The following COG4 variants were observed in gnomAD, a reference collection of about 807,000 sequenced individuals.
The protein encoded by COG4 is component of oligomeric golgi complex 4, also known as conserved oligomeric Golgi complex subunit 4.
Under a neutral mutation model 95.1 loss-of-function variants are expected in COG4, and 65 were observed. The observed-to-expected ratio is 0.68, with a 90% CI of 0.56 to 0.84. COG4 has a LOEUF of 0.84. COG4 is among the 40% of genes least tolerant of loss of function. The pLI is 0.00. For missense variants in COG4, 1,045 were observed against 989.1 expected (o/e 1.06, Z -0.76); for synonymous variants, 421 against 374.8 (o/e 1.12, Z -1.42).
At chr16:70,514,615 A>G in intron 3 of COG4, 106 bp from the exon 4 acceptor site, 2 of 909,242 alleles carry the variant, frequency 2.2e-6, no homozygotes, top group Admixed American at 1.9e-5. Flanking sequence ...ATATGTCAAT[A>G]GCAATCTCAC....
chr16:70,506,795 T>A (rs1030777861), intron 8 of COG4, among the ~76,000 whole-genome samples: 14 of 145,326 alleles, frequency 9.6e-5, no homozygotes, highest in South Asian at 4.4e-4. Context: ...GTTTCTAATT[T>A]AAAAAAAAAA....
intron 13 of COG4, among the ~76,000 whole-genome samples, chr16:70,489,237 G>A (rs1443536639): frequency 1.1e-5 from 1 of 92,214 alleles, no homozygotes; most frequent in Non-Finnish European, 2.2e-5. Flanking sequence ...TTTTTTTTTT[G>A]AGACAGAATC....
At chr16:70,506,680 G>A (rs543460484) in intron 8 of COG4, among the ~76,000 whole-genome samples, 70 of 149,130 alleles carry the variant, frequency 4.7e-4, no homozygotes, top group African/African-American at 1.6e-3. Flanking sequence ...GAGCTACTCG[G>A]GAGGCTGAGG....
intron 12 of COG4, among the ~76,000 whole-genome samples, chr16:70,490,849 C>T (rs189282354): frequency 6.4e-4 from 98 of 152,068 alleles, no homozygotes; most frequent in African/African-American, 2.2e-3. Context: ...TTAGTAGAGA[C>T]GGGGTTTCAC....
Position 70,483,349 on chromosome 16 carries a change from G to A in COG4, c.1827+504C>T, listed in dbSNP as rs137898748. 7.6e-5 allele frequency among the ~76,000 whole-genome samples: 11 copies of A among 144,064 alleles called. No individual in the cohort carries two copies. The East Asian group carries it at 2.0e-3, about 27-fold the overall frequency. 94.5% of individuals were successfully genotyped at this position (144,064 alleles called of 152,430 possible). ...TCCTCTCCCCATCCCTTGACTGCAG[G>A]GCGTTCTTCCAGCCCTGAGGCTTTC... On this transcript the variant is annotated intron_variant, in intron 14 of 18. Coordinates refer to ENST00000323786, the MANE Select transcript of COG4 (RefSeq NM_015386.3).
intron 1 of COG4, among the ~76,000 whole-genome samples, chr16:70,520,391 G>A (rs1242097074): frequency 1.4e-5 from 1 of 69,508 alleles, no homozygotes; most frequent in Non-Finnish European, 2.9e-5. Context: ...GGGGGGGGGC[G>A]GAGCTTGCAG....
Position 70,523,478 on chromosome 16 carries a change from C to T in COG4, c.66G>A (p.Glu22=), listed in dbSNP as rs1389713039. ...CGGAGCAGCGGCCACCTCCCACCCC[C>T]TCAGACGGCTGCTGCACCCCTGACA... The part of the protein sequence containing the change: ...PKLSGVQQPS[E]GVGGGRCSEI... Residue 22 remains glutamate (E), a synonymous_variant, in exon 1 of 19, where the codon GAG becomes GAA. Coordinates refer to ENST00000323786, the MANE Select transcript of COG4 (RefSeq NM_015386.3). 14 of 1,614,134 alleles carry T rather than the reference C, an allele frequency of 8.7e-6. No homozygotes were observed. Among genetic ancestry groups the T allele is most frequent in the South Asian group, 1.1e-5 (1 of 91,088 alleles).
chr16:70,521,907 T>G (rs1318872076), intron 1 of COG4, among the ~76,000 whole-genome samples: 1 of 150,562 alleles, frequency 6.6e-6, no homozygotes, highest in Non-Finnish European at 1.5e-5. Flanking sequence ...TTCACTGTGT[T>G]AGCCAGGATG....
intron 5 of COG4, among the ~76,000 whole-genome samples, chr16:70,510,665 G>A (rs1452368671): frequency 6.6e-6 from 1 of 152,004 alleles, no homozygotes; most frequent in African/African-American, 2.4e-5. Context: ...GACAAAACCT[G>A]GGTACTGCAG....
Position 70,498,003 on chromosome 16 carries a change from G to A in COG4, c.1248C>T (p.Thr416=). Residue 416 remains threonine (T), a synonymous_variant, in exon 10 of 19, where the codon ACC becomes ACT. Coordinates refer to ENST00000323786, the MANE Select transcript of COG4 (RefSeq NM_015386.3). The part of the protein sequence containing the change: ...KLLNNCLLSC[T]MQELIGLYVT... The stretch of plus-strand genomic sequence containing the variant: ...CATATAAGCCAATTAGCTCCTGCAT[G>A]GTACAGCTCAAAAGGCAGTTATTGA... 2 of 1,613,824 alleles carry A rather than the reference G, an allele frequency of 1.2e-6. No homozygotes were observed. The highest frequency in any genetic ancestry group is 1.1e-5 in the South Asian group (1 of 91,074).
chr16:70,514,370 T>C lies in COG4; in HGVS notation c.509A>G (p.Lys170Arg), dbSNP rs747476520. ...AHTHRYLCLD[K>R]SVIELSRQGK... is the part of the protein sequence containing the mutation. ...CTGTCGGCTGAGCTCAATGACCGAC[T>C]TGTCCAGGCACAAGTAGCGATGAGT... The change falls in exon 4 of 19, where the codon AAG (lysine) becomes AGG (arginine). Residue 170 changes from lysine to arginine, a missense_variant. Lys to Arg is a conservative substitution (Grantham distance 26). Transcript: ENST00000323786. 14 of 1,614,194 alleles carry C rather than the reference T, an allele frequency of 8.7e-6. No homozygotes were observed. The South Asian group carries it at 1.5e-4, about 18-fold the overall frequency.
intron 1 of COG4, 78 bp downstream of exon 1, chr16:70,523,295 C>T: frequency 3.8e-6 from 6 of 1,566,662 alleles, no homozygotes; most frequent in Non-Finnish European, 5.3e-6. Flanking sequence ...GGAGAGTTTC[C>T]CACAGCCCGG....
At position 70,482,468 on chromosome 16, in the gene COG4, TTCTAAG is replaced by T. The variant is rs149366805; in HGVS notation, c.1920+255_1920+260del. 6,792 of 607,526 alleles carry T rather than the reference TTCTAAG, an allele frequency of 0.011. 391 individuals are homozygous for T. In the African/African-American group the frequency reaches 0.11, roughly 10 times the overall value. 37.6% of individuals were successfully genotyped at this position (607,526 alleles called of 1,614,324 possible). A position where few individuals can be genotyped will look rare whatever the true frequency, so the allele number is the denominator to read the frequency against. On this transcript the variant is annotated intron_variant, in intron 15 of 18. Coordinates refer to ENST00000323786, the MANE Select transcript of COG4 (RefSeq NM_015386.3). Reference sequence around the variant, plus strand: ...CACTACGCCAGGAGGAAAAAAACGCTTCTAAGTCTATCATAGGCGGGGCAAAAAGAG... The same window carrying T: ...CACTACGCCAGGAGGAAAAAAACGCTTCTATCATAGGCGGGGCAAAAAGAG...
chr16:70,510,067 T>G, intron 5 of COG4, 46 bp from the exon 6 acceptor site: 2 of 1,483,660 alleles, frequency 1.3e-6, no homozygotes, highest in Non-Finnish European at 1.9e-6. Context: ...AAGGTCACCC[T>G]CATACCAGGT....
chr16:70,498,987 C>T (rs6499318), intron 9 of COG4, among the ~76,000 whole-genome samples: 3 of 151,968 alleles, frequency 2.0e-5, no homozygotes, highest in South Asian at 2.1e-4. Flanking sequence ...GGCCAAGGCG[C>T]GAGGATCGCT....
In COG4 at chr16:70,508,331, C is replaced by G. The variant is rs145032038; in HGVS notation, c.1061+75G>C. The G allele has an allele frequency of 7.6e-4, 922 of 1,214,474 alleles. 6 individuals carry two copies. In the African/African-American group the frequency reaches 0.013, roughly 17 times the overall value. 75.2% of individuals were successfully genotyped at this position (1,214,474 alleles called of 1,614,324 possible). A position where few individuals can be genotyped will look rare whatever the true frequency, so the allele number is the denominator to read the frequency against. On this transcript the variant is annotated intron_variant, in intron 8 of 18. Transcript: ENST00000323786. ...TTTAAAAACATAGACCACATTGTAA[C>G]AGAGTAGTCTGAATTATATTACATG...
intron 3 of COG4, among the ~76,000 whole-genome samples, chr16:70,516,254 T>C (rs2049820456): frequency 6.6e-6 from 1 of 152,140 alleles, no homozygotes; most frequent in Non-Finnish European, 1.5e-5. Context: ...TATATAATCC[T>C]CTTTATATAT....
At chr16:70,511,675 G>C (rs1283323283) in intron 5 of COG4, among the ~76,000 whole-genome samples, 2 of 151,966 alleles carry the variant, frequency 1.3e-5, no homozygotes, top group African/African-American at 2.4e-5. Context: ...GCTCACACCT[G>C]TAATCCCATC....
At chr16:70,493,046 G>T (rs182877000) in intron 12 of COG4, among the ~76,000 whole-genome samples, 1 of 152,156 alleles carries the variant, frequency 6.6e-6, no homozygotes, top group Non-Finnish European at 1.5e-5. Flanking sequence ...CTGTTTCGGT[G>T]TAAGGCATTC....
Sources: allele counts gnomAD v4.1 joint callset (sites outside exome capture counted in the v4.1 genomes callset), GRCh38; gene constraint gnomAD v4.1.1; transcripts MANE v1.5; gene names NCBI Gene and HGNC (gene_info 2026-07-23, HGNC 2026-07-21).